The following PIP4K2C variants were observed in gnomAD, a reference collection of about 807,000 sequenced individuals.
The protein encoded by PIP4K2C is phosphatidylinositol 5-phosphate 4-kinase type-2 gamma.
A neutral mutation model predicts 45.0 loss-of-function variants in PIP4K2C; 21 were observed. The ratio of observed to expected loss-of-function variants is 0.47; its 90% CI spans 0.33 to 0.67. The LOEUF (loss-of-function observed/expected upper bound fraction) is 0.67. Among genes scored for constraint, PIP4K2C ranks in the 30% least tolerant of loss-of-function variants. The probability of loss-of-function intolerance (pLI) is 0.02; values close to 1 mark genes in which losing one functional copy is unlikely to be tolerated. For missense variants in PIP4K2C, 456 were observed against 542.8 expected, an observed-to-expected ratio of 0.84 and a Z score of 1.59; for synonymous variants, 201 against 204.8, an observed-to-expected ratio of 0.98 and a Z score of 0.16.
rs1381159985 is a variant in PIP4K2C, at chr12:57,602,735, C to G, written c.*1129C>G. On this transcript the variant is annotated 3_prime_UTR_variant, in exon 10 of 10. Coordinates refer to ENST00000354947, the MANE Select transcript of PIP4K2C (RefSeq NM_024779.5). ...CTGTCTTATACTGCAACTGTGTCTC[C>G]TAGGGGACAGATGGCCTTCTTTGTC... 1 of 152,648 alleles carries G rather than the reference C, an allele frequency of 6.6e-6. No homozygotes were observed. Among genetic ancestry groups the G allele is most frequent in the Non-Finnish European group, 1.5e-5 (1 of 68,096 alleles). 9.5% of individuals were successfully genotyped at this position (152,648 alleles called of 1,614,324 possible). A position where few individuals can be genotyped will look rare whatever the true frequency, so the allele number is the denominator to read the frequency against.
chr12:57,601,831 C>A lies in PIP4K2C; in HGVS notation c.*225C>A. 2 of 564,968 alleles carry A rather than the reference C, an allele frequency of 3.5e-6. No homozygotes were observed. Among genetic ancestry groups the A allele is most frequent in the Non-Finnish European group, 3.2e-6 (1 of 315,490 alleles). 35.0% of individuals were successfully genotyped at this position (564,968 alleles called of 1,614,324 possible). A position where few individuals can be genotyped will look rare whatever the true frequency, so the allele number is the denominator to read the frequency against. ...CATTTTTCTTCCCTCTCTTCCTCCC[C>A]ATGAGAAGTCTGCTTGTAGTATTAG... On this transcript the variant is annotated 3_prime_UTR_variant, in exon 10 of 10. Coordinates refer to ENST00000354947, the MANE Select transcript of PIP4K2C (RefSeq NM_024779.5).
chr12:57,598,524 C>CAAAAAAAAAAAAA, intron 4 of PIP4K2C, among the ~76,000 whole-genome samples: 1 of 75,714 alleles, frequency 1.3e-5, no homozygotes. Context: ...ACTCCATCTC[C>CAAAAAAAAAAAAA]AAAAAAAAAA....
rs372851815 is a variant in PIP4K2C, at chr12:57,591,240, C to T, written c.-50C>T. 179 of 1,557,502 alleles carry T rather than the reference C, an allele frequency of 1.1e-4. No homozygotes were observed. The highest frequency in any genetic ancestry group is 9.1e-5 in the Non-Finnish European group (104 of 1,148,206). ...GAGCGCCGCTTCCGGGGTCGGGCGCCTGGATAGCTGCCGGCTCCGGCTTCC... is the reference window on the plus strand; with the variant it reads ...GAGCGCCGCTTCCGGGGTCGGGCGCTTGGATAGCTGCCGGCTCCGGCTTCC... On this transcript the variant is annotated 5_prime_UTR_variant, in exon 1 of 10. Coordinates refer to ENST00000354947, the MANE Select transcript of PIP4K2C (RefSeq NM_024779.5).
At chr12:57,592,520 G>T (rs181752228) in intron 1 of PIP4K2C, among the ~76,000 whole-genome samples, 421 of 152,206 alleles carry the variant, frequency 2.8e-3, no homozygotes, top group Non-Finnish European at 4.5e-3. Context: ...ATCTCTTTTG[G>T]ATTTGTGGCT....
intron 6 of PIP4K2C, among the ~76,000 whole-genome samples, chr12:57,599,752 C>T (rs972974722): frequency 6.6e-6 from 1 of 152,110 alleles, no homozygotes; most frequent in African/African-American, 2.4e-5. Context: ...ATTCAAGCAG[C>T]TACTTTTGCT....
Position 57,593,675 on chromosome 12 carries a change from G to GTTTTTTTTTTTTTTTTT in PIP4K2C, c.175-334_175-318dup, listed in dbSNP as rs56900742. Among the ~76,000 whole-genome samples the GTTTTTTTTTTTTTTTTT allele has an allele frequency of 1.2e-4, 8 of 64,048 alleles. 1 individual carries two copies. The highest frequency in any genetic ancestry group is 3.7e-4 in the African/African-American group (5 of 13,694). The allele number at this position is 64,048 out of a possible 152,430, so 42.0% of individuals were successfully genotyped here. A position where few individuals can be genotyped will look rare whatever the true frequency, so the allele number is the denominator to read the frequency against. On this transcript the variant is annotated intron_variant, in intron 1 of 9. Coordinates refer to ENST00000354947, the MANE Select transcript of PIP4K2C (RefSeq NM_024779.5). ...CATGTAGCTGCCTTGAGCTTGCAGA[G>GTTTTTTTTTTTTTTTTT]TTTTTTTTTTTTTTTTTTTTTTTTT...
At position 57,601,695 on chromosome 12, in the gene PIP4K2C, T is replaced by C; in HGVS notation, c.*89T>C. On this transcript the variant is annotated 3_prime_UTR_variant, in exon 10 of 10. Coordinates refer to ENST00000354947, the MANE Select transcript of PIP4K2C (RefSeq NM_024779.5). ...GGGGATATTCTAGCCACCAGTTCTC[T>C]TCTTCCTTTGCTAAATTCAGGCTGC... The C allele has an allele frequency of 8.4e-7, 1 of 1,185,654 alleles. No homozygotes were observed. Among genetic ancestry groups the C allele is most frequent in the Non-Finnish European group, 1.3e-6 (1 of 791,336 alleles). 73.4% of individuals were successfully genotyped at this position (1,185,654 alleles called of 1,614,324 possible). A position where few individuals can be genotyped will look rare whatever the true frequency, so the allele number is the denominator to read the frequency against.
At chr12:57,593,675 GTTTTTTTTTT>G (rs56900742) in intron 1 of PIP4K2C, among the ~76,000 whole-genome samples, 7 of 64,042 alleles carry the variant, frequency 1.1e-4, no homozygotes, top group East Asian at 4.6e-4. Flanking sequence ...AGCTTGCAGA[GTTTTTTTTTT>G]TTTTTTTTTT....
At chr12:57,601,423 T>C (rs1883433086) in intron 9 of PIP4K2C, 75 bp downstream of exon 9, 4 of 1,536,796 alleles carry the variant, frequency 2.6e-6, no homozygotes, top group Non-Finnish European at 3.6e-6. Flanking sequence ...GCCAGAGCAA[T>C]GGGGTGGCAA....
Position 57,595,932 on chromosome 12 carries a change from T to C in PIP4K2C, c.414T>C (p.Asp138=), listed in dbSNP as rs1472224786. The part of the protein sequence containing the change: ...RNPPSESEGS[D]GRFLISYDRT... ...CCCCCAGCGAAAGTGAAGGCAGTGA[T>C]GGTCGCTTCCTTATCTCCTACGATC... The change falls in exon 4 of 10, where the codon GAT becomes GAC. Residue 138 remains aspartate, a synonymous_variant. Transcript: ENST00000354947. 1 of 1,614,018 alleles carries C rather than the reference T, an allele frequency of 6.2e-7. No homozygotes were observed. Among genetic ancestry groups the C allele is most frequent in the Non-Finnish European group, 8.5e-7 (1 of 1,179,924 alleles).
chr12:57,600,549 G>A (rs994637293), intron 7 of PIP4K2C, 112 bp downstream of exon 7: 3 of 832,170 alleles, frequency 3.6e-6, no homozygotes, highest in Non-Finnish European at 5.8e-6. Context: ...TATTCTTCAG[G>A]TCCTCTGCCT....
intron 5 of PIP4K2C, 30 bp downstream of exon 5, chr12:57,599,241 G>A: frequency 6.2e-7 from 1 of 1,612,500 alleles, no homozygotes; most frequent in Non-Finnish European, 8.5e-7. Context: ...GACTTAGAGG[G>A]AGGCTCCTGA....
At position 57,600,991 on chromosome 12, in the gene PIP4K2C, A is replaced by T. The variant is rs1883409832; in HGVS notation, c.994A>T (p.Ile332Phe). ...CTCCTATGGCACCTCCCCAGAGGGT[A>T]TCGGAGGCTACATCCATTCCCATCG... ...VGSYGTSPEG[I>F]GGYIHSHRPL... The change falls in exon 8 of 10, where the codon ATC becomes TTC. Residue 332 changes from isoleucine to phenylalanine, a missense_variant. Ile to Phe is a conservative substitution (Grantham distance 21). Transcript: ENST00000354947. 6.2e-7 allele frequency: 1 copy of T among 1,614,040 alleles called. No homozygotes were observed. Among genetic ancestry groups the T allele is most frequent in the African/African-American group, 1.3e-5 (1 of 74,928 alleles).
Position 57,591,478 on chromosome 12 carries a change from T to C in PIP4K2C, c.174+15T>C. 1 of 1,603,064 alleles carries C rather than the reference T, an allele frequency of 6.2e-7. No individual in the cohort carries two copies. The highest frequency in any genetic ancestry group is 8.5e-7 in the Non-Finnish European group (1 of 1,173,452). ...TAGCCCACTCGGTGAGAACCAGCCC[T>C]AGACCCCCGCAGCCCTGTCCAAACC... is the stretch of plus-strand genomic sequence containing the variant. On this transcript the variant is annotated intron_variant, in intron 1 of 9. Coordinates refer to ENST00000354947, the MANE Select transcript of PIP4K2C (RefSeq NM_024779.5).
chr12:57,593,998 T>A, intron 1 of PIP4K2C, 27 bp from the exon 2 acceptor site: 1 of 1,590,874 alleles, frequency 6.3e-7, no homozygotes, highest in Middle Eastern at 1.7e-4. Flanking sequence ...TCTTCATGGC[T>A]TCCCTATTCA....
rs1565715762 is a variant in PIP4K2C at position 57,600,924 on chromosome 12, G to A, written c.927G>A (p.Val309=). The A allele has an allele frequency of 6.2e-7, 1 of 1,614,218 alleles. No individual in the cohort carries two copies. The highest frequency in any genetic ancestry group is 8.5e-7 in the Non-Finnish European group (1 of 1,180,040). ...CCGTGCGGGAGGATGAGTCAGAGGTGGATGGGGACTGCAGCCTGACTGGAC... is the reference window on the plus strand; with the variant it reads ...CCGTGCGGGAGGATGAGTCAGAGGTAGATGGGGACTGCAGCCTGACTGGAC... ...EAPVREDESE[V]DGDCSLTGPP... is the part of the protein sequence containing the mutation. Residue 309 remains valine (V), a synonymous_variant, in exon 8 of 10, where the codon GTG becomes GTA. Transcript: ENST00000354947.
intron 4 of PIP4K2C, 112 bp from the exon 5 acceptor site, chr12:57,598,953 T>G: frequency 8.4e-7 from 1 of 1,191,134 alleles, no homozygotes; most frequent in Non-Finnish European, 1.2e-6. Flanking sequence ...TTGTAATCTC[T>G]CTACTTGAAG....
chr12:57,602,020 G>T lies in PIP4K2C; in HGVS notation c.*414G>T. 4.9e-6 allele frequency: 1 copy of T among 203,976 alleles called. No individual in the cohort carries two copies. The highest frequency in any genetic ancestry group is 1.0e-5 in the Non-Finnish European group (1 of 98,558). 12.6% of individuals were successfully genotyped at this position (203,976 alleles called of 1,614,324 possible). A position where few individuals can be genotyped will look rare whatever the true frequency, so the allele number is the denominator to read the frequency against. On this transcript the variant is annotated 3_prime_UTR_variant, in exon 10 of 10. Transcript: ENST00000354947. Reference sequence around the variant, plus strand: ...TACTCTGGATGCACTTTGCTGTGTGGGATGAACTAAAAGTGTCTGAATTTT... The same window carrying T: ...TACTCTGGATGCACTTTGCTGTGTGTGATGAACTAAAAGTGTCTGAATTTT...
chr12:57,596,846 C>T (rs949202683), intron 4 of PIP4K2C, among the ~76,000 whole-genome samples: 5 of 152,200 alleles, frequency 3.3e-5, no homozygotes, highest in African/African-American at 4.8e-5. Context: ...AGCATCCGAA[C>T]TCACCTGGGG....
Sources: gnomAD v4.1 joint callset for allele counts (sites outside exome capture counted in the v4.1 genomes callset) on GRCh38, gnomAD v4.1.1 for gene constraint, MANE v1.5 for transcripts, NCBI Gene and HGNC (gene_info 2026-07-23, HGNC 2026-07-21) for gene names.